The following TTC7B variants were observed in gnomAD, a reference collection of about 807,000 sequenced individuals.
TTC7B encodes the protein tetratricopeptide repeat domain 7B.
A neutral mutation model predicts 106.8 loss-of-function variants in TTC7B; 28 were observed. That is an observed-to-expected ratio of 0.26 (90% confidence interval 0.19 to 0.36). The LOEUF is 0.36. TTC7B is among the 10% of genes least tolerant of loss of function. The pLI, the probability that TTC7B is intolerant of heterozygous loss-of-function variation, is 1.00. For synonymous variants in TTC7B, 405 were observed against 430.6 expected, an observed-to-expected ratio of 0.94 and a Z score of 0.74; for missense variants, 862 against 1,076.4, an observed-to-expected ratio of 0.80 and a Z score of 2.79.
rs546715025 is a variant in TTC7B at position 90,710,495 on chromosome 14, T to C, written c.699-14917A>G. ...GGGTTTGAGAGGATTGATTCCAATT[T>C]TGAAAAAGTTCTACTGTGGGTAAAA... On this transcript the variant is annotated intron_variant, in intron 5 of 19. Coordinates refer to ENST00000328459, the MANE Select transcript of TTC7B (RefSeq NM_001010854.2). Among the ~76,000 whole-genome samples the C allele has an allele frequency of 2.0e-5, 3 of 152,356 alleles. No individual in the cohort carries two copies. The South Asian group carries it at 6.2e-4, about 32-fold the overall frequency.
intron 1 of TTC7B, among the ~76,000 whole-genome samples, chr14:90,791,314 A>C (rs1270613301): frequency 6.6e-6 from 1 of 152,140 alleles, no homozygotes; most frequent in Non-Finnish European, 1.5e-5. Flanking sequence ...TGTAAGGAGG[A>C]GGCCTAAAGG....
intron 19 of TTC7B, among the ~76,000 whole-genome samples, chr14:90,556,965 G>C (rs978075512): frequency 1.1e-4 from 17 of 152,218 alleles, no homozygotes; most frequent in African/African-American, 4.1e-4. Context: ...CGAGGGAAGC[G>C]TCAGACCTGG....
At chr14:90,541,662 G>T in intron 19 of TTC7B, 73 bp from the exon 20 acceptor site, 1 of 1,251,844 alleles carries the variant, frequency 8.0e-7, no homozygotes, top group Non-Finnish European at 1.1e-6. Flanking sequence ...ACTTGTCCTC[G>T]AGTTTCCAGT....
At chr14:90,727,682 C>G (rs1299145419) in intron 5 of TTC7B, among the ~76,000 whole-genome samples, 4 of 152,196 alleles carry the variant, frequency 2.6e-5, no homozygotes, top group Admixed American at 1.3e-4. Context: ...GGAATGACAG[C>G]TAAAAAGCTG....
intron 17 of TTC7B, among the ~76,000 whole-genome samples, chr14:90,596,493 A>G (rs1371857667): frequency 6.6e-6 from 1 of 152,208 alleles, no homozygotes; most frequent in African/African-American, 2.4e-5. Flanking sequence ...ACCATGTTTC[A>G]GGCACTGCAA....
At chr14:90,719,696 C>T (rs1888812283) in intron 5 of TTC7B, among the ~76,000 whole-genome samples, 1 of 152,156 alleles carries the variant, frequency 6.6e-6, no homozygotes, top group African/African-American at 2.4e-5. Flanking sequence ...CTGACCTTTC[C>T]CTGCTGGCAA....
intron 2 of TTC7B, among the ~76,000 whole-genome samples, chr14:90,783,696 G>A (rs192273337): frequency 6.6e-6 from 1 of 152,260 alleles, no homozygotes; most frequent in Non-Finnish European, 1.5e-5. Flanking sequence ...CAGCACTTTC[G>A]GAGGCCGACG....
At chr14:90,721,464 G>A (rs1888895912) in intron 5 of TTC7B, among the ~76,000 whole-genome samples, 1 of 152,216 alleles carries the variant, frequency 6.6e-6, no homozygotes, top group African/African-American at 2.4e-5. Flanking sequence ...CATTTAAACA[G>A]AACAGATAAG....
intron 4 of TTC7B, among the ~76,000 whole-genome samples, chr14:90,732,906 T>C (rs1343600677): frequency 3.9e-5 from 6 of 152,162 alleles, no homozygotes; most frequent in Admixed American, 3.9e-4. Context: ...TTTCTAACAA[T>C]CGGCATTAAG....
At chr14:90,746,847 C>T (rs1477547173) in intron 3 of TTC7B, among the ~76,000 whole-genome samples, 1 of 152,012 alleles carries the variant, frequency 6.6e-6, no homozygotes, top group African/African-American at 2.4e-5. Flanking sequence ...GGGAGTTTTC[C>T]AAAGGTCTTT....
intron 18 of TTC7B, among the ~76,000 whole-genome samples, chr14:90,592,526 T>C (rs1046529209): frequency 3.3e-5 from 5 of 152,044 alleles, no homozygotes; most frequent in Non-Finnish European, 5.9e-5. Flanking sequence ...CTGGCCAAGA[T>C]GGTGAAACCC....
At chr14:90,616,008 T>C (rs549760682) in intron 16 of TTC7B, among the ~76,000 whole-genome samples, 17 of 152,226 alleles carry the variant, frequency 1.1e-4, no homozygotes, top group Middle Eastern at 3.4e-3. Flanking sequence ...AGGCATTTGG[T>C]TAAGTATTTT....
chr14:90,542,100 C>T (rs577995645), intron 19 of TTC7B, among the ~76,000 whole-genome samples: 10 of 152,192 alleles, frequency 6.6e-5, no homozygotes, highest in Non-Finnish European at 1.2e-4. Flanking sequence ...CCACCACGCC[C>T]GGCTAATTTT....
At chr14:90,593,661 CG>C in intron 17 of TTC7B, 35 bp from the exon 18 acceptor site, 1 of 1,540,934 alleles carries the variant, frequency 6.5e-7, no homozygotes, top group African/African-American at 1.4e-5. Flanking sequence ...CTATCAGGAG[CG>C]AAAGAACAGA....
chr14:90,730,389 G>A (rs1889279206), intron 4 of TTC7B, among the ~76,000 whole-genome samples, 193 bp from the exon 5 acceptor site: 1 of 152,172 alleles, frequency 6.6e-6, no homozygotes, highest in Admixed American at 6.5e-5. Context: ...GAAGCAACAA[G>A]CAACCCAGGG....
At chr14:90,598,244 C>T (rs148568950) in intron 17 of TTC7B, among the ~76,000 whole-genome samples, 1 of 152,344 alleles carries the variant, frequency 6.6e-6, no homozygotes, top group African/African-American at 2.4e-5. Flanking sequence ...AAATCTAGCA[C>T]AGGTCTGTCG....
At chr14:90,659,346 T>C (rs1438249310) in intron 9 of TTC7B, among the ~76,000 whole-genome samples, 1 of 151,480 alleles carries the variant, frequency 6.6e-6, no homozygotes, top group Non-Finnish European at 1.5e-5. Flanking sequence ...CATGAATGAG[T>C]TTAGCACGGG....
intron 5 of TTC7B, among the ~76,000 whole-genome samples, chr14:90,714,581 C>T (rs77582348): frequency 3.0e-4 from 45 of 151,810 alleles, no homozygotes; most frequent in African/African-American, 1.0e-3. Context: ...CTCAGCCTCT[C>T]GAGTACTTGG....
chr14:90,813,178 C>A (rs1321962411), intron 1 of TTC7B, among the ~76,000 whole-genome samples: 1 of 152,218 alleles, frequency 6.6e-6, no homozygotes, highest in Non-Finnish European at 1.5e-5. Context: ...CTTTCAGGGC[C>A]ACCCTATTTA....
Sources: gnomAD v4.1 joint callset for allele counts (sites outside exome capture counted in the v4.1 genomes callset) on GRCh38, gnomAD v4.1.1 for gene constraint, MANE v1.5 for transcripts, NCBI Gene and HGNC (gene_info 2026-07-23, HGNC 2026-07-21) for gene names.